The following SMARCA2 variants were observed in gnomAD, a reference collection of about 807,000 sequenced individuals.
The protein encoded by SMARCA2 is SWI/SNF-related matrix-associated actin-dependent regulator of chromatin subfamily A member 2.
In SMARCA2, 61 loss-of-function variants were observed where a neutral mutation model predicts 199.8. That is an observed-to-expected ratio of 0.31 (90% CI 0.25 to 0.38). The LOEUF (loss-of-function observed/expected upper bound fraction) is 0.38. Among genes scored for constraint, SMARCA2 ranks in the 10% least tolerant of loss-of-function variants. The pLI, the probability that SMARCA2 is intolerant of heterozygous loss-of-function variation, is 1.00. For synonymous variants in SMARCA2, 935 were observed against 732.0 expected (o/e 1.28, Z -4.48); for missense variants, 1,344 against 2,012.2 (o/e 0.67, Z 6.35).
At chr9:2,083,325 G>GTTTTT in intron 15 of SMARCA2, 22 bp from the exon 16 acceptor site, 8 of 1,181,344 alleles carry the variant, frequency 6.8e-6, no homozygotes, top group South Asian at 4.6e-5. Context: ...TTTTTCTGTT[G>GTTTTT]TTTTTTTTTT....
chr9:2,036,737 G>C (rs924175648), intron 3 of SMARCA2, among the ~76,000 whole-genome samples: 2 of 151,984 alleles, frequency 1.3e-5, no homozygotes, highest in Non-Finnish European at 2.9e-5. Flanking sequence ...TCAATTTTCT[G>C]ATCAAATTTG....
At chr9:2,089,632 A>G (rs916496285) in intron 19 of SMARCA2, among the ~76,000 whole-genome samples, 2 of 152,216 alleles carry the variant, frequency 1.3e-5, no homozygotes, top group African/African-American at 4.8e-5. Context: ...TATCTCAGTG[A>G]AAGTCTACGT....
chr9:2,082,118 C>G (rs921802990), intron 15 of SMARCA2, 123 bp downstream of exon 15: 1 of 792,448 alleles, frequency 1.3e-6, no homozygotes, highest in Non-Finnish European at 2.0e-6. Flanking sequence ...ATCCAGATTA[C>G]CAAGAGCATG....
intron 29 of SMARCA2, among the ~76,000 whole-genome samples, chr9:2,179,569 A>C (rs1826865031): frequency 6.6e-6 from 1 of 152,188 alleles, no homozygotes; most frequent in Non-Finnish European, 1.5e-5. Context: ...TTAGGGTCTT[A>C]CTGAAGACAG....
At chr9:2,073,719 C>T (rs1446552327) in intron 12 of SMARCA2, 96 bp downstream of exon 12, 2 of 875,020 alleles carry the variant, frequency 2.3e-6, no homozygotes, top group Non-Finnish European at 3.7e-6. Context: ...GTCCTTCTAT[C>T]ATTTCTTCCT....
At chr9:2,191,576 A>G (rs774839244) in intron 33 of SMARCA2, 168 bp downstream of exon 33, 20 of 681,180 alleles carry the variant, frequency 2.9e-5, no homozygotes, top group Non-Finnish European at 4.6e-5. Flanking sequence ...TGTATGATTT[A>G]GAACAAAGGA....
intron 27 of SMARCA2, among the ~76,000 whole-genome samples, chr9:2,144,692 A>G (rs1824636869): frequency 6.6e-6 from 1 of 152,196 alleles, no homozygotes; most frequent in African/African-American, 2.4e-5. Context: ...CAGGATCAGT[A>G]AAATTAACAG....
chr9:2,047,288 G>C lies in SMARCA2; in HGVS notation c.850G>C (p.Gly284Arg). 3 of 989,782 alleles carry C rather than the reference G, an allele frequency of 3.0e-6. No homozygotes were observed. The highest frequency in any genetic ancestry group is 3.6e-6 in the Non-Finnish European group (3 of 834,398). The allele number at this position is 989,782 out of a possible 1,614,324, so 61.3% of individuals were successfully genotyped here. The change falls in exon 5 of 34, where the codon GGC (glycine) becomes CGC (arginine). Residue 284 changes from glycine (G) to arginine (R), a missense_variant. By Grantham distance (125) the Gly-to-Arg change is moderately radical. Coordinates refer to ENST00000349721, the MANE Select transcript of SMARCA2 (RefSeq NM_003070.5). ...TPQKLPVPAPGGRPSPAPPAA... is the reference protein window; with the variant it reads ...TPQKLPVPAPRGRPSPAPPAA... The stretch of plus-strand genomic sequence containing the variant: ...GCAGAAGCTGCCGGTGCCCGCGCCC[G>C]GCGGCCGGCCCTCGCCCGCGCCCCC...
chr9:2,046,734 A>G (rs548159159), intron 4 of SMARCA2, among the ~76,000 whole-genome samples: 1 of 150,904 alleles, frequency 6.6e-6, no homozygotes, highest in South Asian at 2.1e-4. Context: ...TTGAGGTGCA[A>G]TTTGCAAGAT....
intron 1 of SMARCA2, chr9:2,022,215 T>G (rs535524457): frequency 6.6e-6 from 1 of 152,356 alleles, no homozygotes; most frequent in African/African-American, 2.4e-5. Context: ...TAGATTAATC[T>G]GGCAAATTGT....
chr9:2,050,648 C>T (rs905352993), intron 5 of SMARCA2, among the ~76,000 whole-genome samples: 10 of 151,022 alleles, frequency 6.6e-5, no homozygotes, highest in Non-Finnish European at 4.4e-5. Context: ...TTTGACCTGC[C>T]CTTGTCGCCA....
intron 3 of SMARCA2, among the ~76,000 whole-genome samples, chr9:2,038,900 C>T (rs1030657284): frequency 6.6e-6 from 1 of 152,134 alleles, no homozygotes; most frequent in Non-Finnish European, 1.5e-5. Context: ...ACCAAGTGTT[C>T]GCTCTTCACC....
intron 9 of SMARCA2, among the ~76,000 whole-genome samples, chr9:2,069,292 A>G (rs778463197): frequency 3.3e-5 from 5 of 151,580 alleles, no homozygotes; most frequent in African/African-American, 7.3e-5. Flanking sequence ...ATATTGGGAT[A>G]TGTAAGAAAT....
At position 2,057,000 on chromosome 9, in the gene SMARCA2, A is replaced by G. The variant is rs984739353; in HGVS notation, c.1347+155A>G. Reference sequence around the variant, plus strand: ...CTTGACATGTACATAATCCAACCACATCATTTTATAGACAAAGACGCTTAA... The same window carrying G: ...CTTGACATGTACATAATCCAACCACGTCATTTTATAGACAAAGACGCTTAA... On this transcript the variant is annotated intron_variant, in intron 7 of 33. Coordinates refer to ENST00000349721, the MANE Select transcript of SMARCA2 (RefSeq NM_003070.5). This position sits in a 1 kb window ranked among gnomAD's most constrained non-coding sequence, Gnocchi z 4.0. Among the ~76,000 whole-genome samples the G allele has an allele frequency of 6.6e-6, 1 of 152,252 alleles. No homozygotes were observed. The highest frequency in any genetic ancestry group is 1.9e-4 in the East Asian group (1 of 5,200).
At chr9:2,149,181 T>A (rs1258901439) in intron 27 of SMARCA2, among the ~76,000 whole-genome samples, 1 of 151,274 alleles carries the variant, frequency 6.6e-6, no homozygotes, top group Non-Finnish European at 1.5e-5. Context: ...CAAAAGGCAC[T>A]TCTTACATGG....
At chr9:2,019,950 G>C (rs980402762) in intron 1 of SMARCA2, among the ~76,000 whole-genome samples, 24 of 151,958 alleles carry the variant, frequency 1.6e-4, no homozygotes, top group Non-Finnish European at 2.8e-4. Flanking sequence ...GGTGCCATGA[G>C]GACAACTGAA....
intron 14 of SMARCA2, among the ~76,000 whole-genome samples, chr9:2,081,407 CT>C (rs1821561939): frequency 6.6e-6 from 1 of 152,222 alleles, no homozygotes; most frequent in Non-Finnish European, 1.5e-5. Flanking sequence ...CGCCTTTTCA[CT>C]GAGGGGACCT....
intron 32 of SMARCA2, among the ~76,000 whole-genome samples, chr9:2,189,989 G>C (rs867758569): frequency 2.0e-5 from 3 of 152,186 alleles, no homozygotes; most frequent in Non-Finnish European, 4.4e-5. Context: ...ACCAAACATG[G>C]TAGTCTAGCA....
At chr9:2,179,423 A>G (rs1826853630) in intron 29 of SMARCA2, among the ~76,000 whole-genome samples, 2 of 152,186 alleles carry the variant, frequency 1.3e-5, no homozygotes, top group African/African-American at 4.8e-5. Context: ...AAGTCCAGTG[A>G]GCCTTTATTT....
Sources: allele counts gnomAD v4.1 joint callset (sites outside exome capture counted in the v4.1 genomes callset), GRCh38; gene constraint gnomAD v4.1.1; non-coding constraint Gnocchi (gnomAD v3.1); transcripts MANE v1.5; gene names NCBI Gene and HGNC (gene_info 2026-07-23, HGNC 2026-07-21).